The following MICAL2 variants were observed in gnomAD, a reference collection of about 807,000 sequenced individuals.
The protein encoded by MICAL2 is [F-actin]-monooxygenase MICAL2.
Under a neutral mutation model 127.3 loss-of-function variants are expected in MICAL2, and 77 were observed. The observed-to-expected ratio is 0.60, with a 90% CI of 0.50 to 0.73. The LOEUF (loss-of-function observed/expected upper bound fraction) is 0.73. MICAL2 is among the 30% of genes least tolerant of loss of function. The pLI is 0.00. For synonymous variants in MICAL2, 570 were observed against 551.1 expected (o/e 1.03, Z -0.48); for missense variants, 1,351 against 1,434.4 (o/e 0.94, Z 0.94).
intron 3 of MICAL2, among the ~76,000 whole-genome samples, chr11:12,194,177 T>C (rs1307562737): frequency 6.6e-6 from 1 of 152,182 alleles, no homozygotes; most frequent in Non-Finnish European, 1.5e-5. Context: ...GCTAGGAAAG[T>C]CTAGGTGGTG....
chr11:12,244,121 C>T lies in MICAL2; in HGVS notation c.2784+9C>T. ...CTTCTCCTGCCAGAAAGGTAGTTGT[C>T]CTGAACAATTTGCTTTCCCTATTCC... On this transcript the variant is annotated intron_variant, in intron 21 of 27. Coordinates refer to ENST00000683283, the MANE Select transcript of MICAL2 (RefSeq NM_001282663.2). 1.2e-6 allele frequency: 2 copies of T among 1,614,192 alleles called. No homozygotes were observed. Among genetic ancestry groups the T allele is most frequent in the Non-Finnish European group, 1.7e-6 (2 of 1,180,012 alleles).
chr11:12,337,300 T>G lies in MICAL2; in HGVS notation c.5515+10034T>G, dbSNP rs192611108. Among the ~76,000 whole-genome samples the G allele has an allele frequency of 1.5e-3, 223 of 152,342 alleles. 4 individuals are homozygous for G. The East Asian group carries it at 0.041, about 28-fold the overall frequency. ...TATTTCTGTGGGATCGGTGGTGATA[T>G]CCCCTTTGTCATTTTTTATTGCGTC... On this transcript the variant is annotated intron_variant, in intron 32 of 34. Transcript: ENST00000646065.
At chr11:12,201,344 T>C (rs1853957251) in intron 3 of MICAL2, among the ~76,000 whole-genome samples, 1 of 152,004 alleles carries the variant, frequency 6.6e-6, no homozygotes, top group Admixed American at 6.5e-5. Context: ...TTTGGGACCC[T>C]GCAGGCCCAG....
intron 15 of MICAL2, among the ~76,000 whole-genome samples, chr11:12,230,200 G>A (rs185618605): frequency 8.9e-4 from 135 of 152,170 alleles, no homozygotes; most frequent in Middle Eastern, 3.4e-3. Flanking sequence ...TTTTGATTTG[G>A]GGAACCGAAT....
intron 29 of MICAL2, among the ~76,000 whole-genome samples, chr11:12,316,085 A>G (rs941103700): frequency 6.6e-6 from 1 of 152,064 alleles, no homozygotes; most frequent in African/African-American, 2.4e-5. Flanking sequence ...TGATACAGCC[A>G]CATGATCTTT....
intron 14 of MICAL2, 115 bp downstream of exon 14, chr11:12,226,485 C>T (rs1646988499): frequency 9.0e-7 from 1 of 1,114,290 alleles, no homozygotes; most frequent in Non-Finnish European, 1.3e-6. Context: ...AGTGTGTTCC[C>T]CTTGACTTTG....
Position 12,262,467 on chromosome 11 carries a change from C to T in MICAL2, c.3335-13C>T. 6.2e-7 allele frequency: 1 copy of T among 1,613,748 alleles called. No individual in the cohort carries two copies. Among genetic ancestry groups the T allele is most frequent in the Non-Finnish European group, 8.5e-7 (1 of 1,180,008 alleles). ...CTTTCTCTCTCTTTCCAATCTTACG[C>T]CATGGCCATCAGTTCATTTCAGCCT... On this transcript the variant is annotated splice_polypyrimidine_tract_variant and intron_variant, in intron 26 of 27. Coordinates refer to ENST00000683283, the MANE Select transcript of MICAL2 (RefSeq NM_001282663.2).
chr11:12,164,861 G>A (rs1235958048), intron 3 of MICAL2, among the ~76,000 whole-genome samples: 3 of 152,306 alleles, frequency 2.0e-5, no homozygotes, highest in Non-Finnish European at 2.9e-5. Flanking sequence ...TTGGCTGGGC[G>A]TCGCGGCTCA....
At chr11:12,282,293 AC>A (rs1284947035) in intron 2 of MICAL2, among the ~76,000 whole-genome samples, 1 of 152,094 alleles carries the variant, frequency 6.6e-6, no homozygotes, top group East Asian at 1.9e-4. Context: ...CTGGCACTGA[AC>A]TGAGTACTCT....
intron 2 of MICAL2, among the ~76,000 whole-genome samples, chr11:12,141,868 G>A (rs933416710): frequency 9.2e-5 from 14 of 152,216 alleles, no homozygotes; most frequent in Non-Finnish European, 1.5e-5. Flanking sequence ...ACCTCAGATG[G>A]ACAACCAATA....
At chr11:12,273,938 G>A (rs1379821887), upstream of MICAL2, among the ~76,000 whole-genome samples, 1 of 152,128 alleles carries the variant, frequency 6.6e-6, no homozygotes, top group African/African-American at 2.4e-5. Flanking sequence ...TATAGGAATA[G>A]AGGGTTCATA....
At chr11:12,163,921 T>C (rs1855156029) in intron 3 of MICAL2, among the ~76,000 whole-genome samples, 1 of 152,130 alleles carries the variant, frequency 6.6e-6, no homozygotes, top group South Asian at 2.1e-4. Flanking sequence ...CCAGTTGCAC[T>C]GTGTTCTCTC....
chr11:12,318,865 G>A (rs560865232), intron 29 of MICAL2, among the ~76,000 whole-genome samples: 23 of 152,286 alleles, frequency 1.5e-4, no homozygotes, highest in Admixed American at 1.1e-3. Context: ...TCTAGTTAAC[G>A]TGGGCACTTT....
At chr11:12,291,344 A>T (rs768332199), downstream of MICAL2, among the ~76,000 whole-genome samples, 1 of 152,016 alleles carries the variant, frequency 6.6e-6, no homozygotes, top group Non-Finnish European at 1.5e-5. Context: ...GAAGGAGGGG[A>T]GAGGGAGAGG....
At chr11:12,141,625 G>A (rs1042381373) in intron 2 of MICAL2, among the ~76,000 whole-genome samples, 2 of 152,240 alleles carry the variant, frequency 1.3e-5, no homozygotes, top group African/African-American at 2.4e-5. Flanking sequence ...GATCTAAGGA[G>A]TGAAAGTTGG....
Position 12,239,546 on chromosome 11 carries a change from G to A in MICAL2, c.2175G>A (p.Lys725=), listed in dbSNP as rs369143961. 17 of 1,614,258 alleles carry A rather than the reference G, an allele frequency of 1.1e-5. No homozygotes were observed. The highest frequency in any genetic ancestry group is 1.6e-4 in the Middle Eastern group (1 of 6,062). The change falls in exon 17 of 28, where the codon AAG becomes AAA. Residue 725 remains lysine, a synonymous_variant. Coordinates refer to ENST00000683283, the MANE Select transcript of MICAL2 (RefSeq NM_001282663.2). ...CCATGGCGAATCAGCTGCTGGCCAA[G>A]TTTGAGGAGAGCACTCGGAACCCCT... ...VKSMANQLLA[K]FEESTRNPSL...
At chr11:12,155,358 C>T (rs1246837939) in intron 2 of MICAL2, among the ~76,000 whole-genome samples, 9 of 152,188 alleles carry the variant, frequency 5.9e-5, no homozygotes, top group Non-Finnish European at 1.2e-4. Flanking sequence ...ACACATGCTA[C>T]ATATACATGT....
intron 15 of MICAL2, among the ~76,000 whole-genome samples, chr11:12,229,109 C>T (rs149328545): frequency 6.6e-6 from 1 of 152,304 alleles, no homozygotes; most frequent in East Asian, 1.9e-4. Flanking sequence ...GGGATGGGGC[C>T]ACCCAGCCTC....
intron 30 of MICAL2, among the ~76,000 whole-genome samples, chr11:12,322,088 TA>T (rs1381980141): frequency 6.6e-6 from 1 of 152,140 alleles, no homozygotes; most frequent in Non-Finnish European, 1.5e-5. Flanking sequence ...TTTATTTCCT[TA>T]CCTATAATGT....
Sources: gnomAD v4.1 joint callset for allele counts (sites outside exome capture counted in the v4.1 genomes callset) on GRCh38, gnomAD v4.1.1 for gene constraint, MANE v1.5 for transcripts, NCBI Gene and HGNC (gene_info 2026-07-23, HGNC 2026-07-21) for gene names.